The following SNX10 variants were observed in gnomAD, a reference collection of about 807,000 sequenced individuals.
The protein encoded by SNX10 is sorting nexin-10.
A neutral mutation model predicts 28.5 loss-of-function variants in SNX10; 25 were observed. The observed-to-expected ratio is 0.88, with a 90% CI of 0.64 to 1.22. The LOEUF (loss-of-function observed/expected upper bound fraction) is 1.22, where lower values mean the gene tolerates loss of function less well. Among genes scored for constraint, SNX10 ranks in the 50% most tolerant of loss-of-function variants. SNX10 has a pLI of 0.00. For missense variants in SNX10, 223 were observed against 242.6 expected, an observed-to-expected ratio of 0.92 and a Z score of 0.54; for synonymous variants, 62 against 81.4, an observed-to-expected ratio of 0.76 and a Z score of 1.28.
intron 1 of SNX10, among the ~76,000 whole-genome samples, chr7:26,311,291 A>G (rs1041395227): frequency 3.3e-5 from 5 of 152,222 alleles, no homozygotes; most frequent in Non-Finnish European, 7.3e-5. Context: ...CTGGGACTAC[A>G]GGCTTGCGCC....
At chr7:26,309,474 C>A (rs1269122089) in intron 1 of SNX10, among the ~76,000 whole-genome samples, 1 of 152,146 alleles carries the variant, frequency 6.6e-6, no homozygotes, top group Non-Finnish European at 1.5e-5. Context: ...TCTGCTTAGC[C>A]TTAGGTGGCC....
At chr7:26,326,480 T>G (rs1033149534) in intron 1 of SNX10, among the ~76,000 whole-genome samples, 6 of 152,182 alleles carry the variant, frequency 3.9e-5, no homozygotes, top group Non-Finnish European at 8.8e-5. Context: ...TGGATCATAC[T>G]GTACTCTGCA....
At chr7:26,335,282 T>C (rs1222381963) in intron 1 of SNX10, among the ~76,000 whole-genome samples, 3 of 152,206 alleles carry the variant, frequency 2.0e-5, no homozygotes, top group African/African-American at 7.2e-5. Context: ...CACAAGAACC[T>C]CTGGTCCCTC....
intron 2 of SNX10, among the ~76,000 whole-genome samples, chr7:26,358,358 T>G (rs570961317): frequency 6.6e-6 from 1 of 152,314 alleles, no homozygotes; most frequent in East Asian, 1.9e-4. Context: ...TAAAAATGGT[T>G]TTTAAATCCC....
At chr7:26,322,118 C>T (rs1787333932) in intron 1 of SNX10, among the ~76,000 whole-genome samples, 1 of 151,868 alleles carries the variant, frequency 6.6e-6, no homozygotes, top group African/African-American at 2.4e-5. Context: ...CTTGATACCC[C>T]AGGCAGCCCG....
intron 2 of SNX10, among the ~76,000 whole-genome samples, chr7:26,349,240 C>G (rs1182119299): frequency 1.3e-5 from 2 of 152,092 alleles, no homozygotes; most frequent in African/African-American, 2.4e-5. Context: ...GAGGTTGGCA[C>G]GTGAATTGAG....
intron 1 of SNX10, among the ~76,000 whole-genome samples, chr7:26,317,702 G>T (rs992710295): frequency 6.1e-4 from 77 of 125,478 alleles, no homozygotes; most frequent in Admixed American, 3.0e-4. Flanking sequence ...TCACTCTGTT[G>T]CCCAGGCTGG....
In SNX10 at chr7:26,364,177, T is replaced by C. The variant is rs1050203035; in HGVS notation, c.112-358T>C. Reference sequence around the variant, plus strand: ...CCAGCTTACGTGGATGGTGGTAAAATGCAACGGATGAACCTGAGCTCCTAC... The same window carrying C: ...CCAGCTTACGTGGATGGTGGTAAAACGCAACGGATGAACCTGAGCTCCTAC... On this transcript the variant is annotated intron_variant, in intron 3 of 6. Transcript: ENST00000338523. This position sits in a 1 kb window ranked among gnomAD's most constrained non-coding sequence, Gnocchi z 4.9. 3.4e-6 allele frequency: 1 copy of C among 292,576 alleles called. No homozygotes were observed. The allele number at this position is 292,576 out of a possible 1,614,324, so 18.1% of individuals were successfully genotyped here. A position where few individuals can be genotyped will look rare whatever the true frequency, so the allele number is the denominator to read the frequency against.
At chr7:26,292,543 T>C (rs1785966430) in intron 1 of SNX10, among the ~76,000 whole-genome samples, 1 of 152,116 alleles carries the variant, frequency 6.6e-6, no homozygotes, top group South Asian at 2.1e-4. Flanking sequence ...TTCGTGGGAT[T>C]GTGGGATTGA....
intron 1 of SNX10, among the ~76,000 whole-genome samples, chr7:26,322,796 C>A (rs1787358540): frequency 6.6e-6 from 1 of 152,188 alleles, no homozygotes; most frequent in South Asian, 2.1e-4. Context: ...CTCATTCATT[C>A]TGCAGTTATT....
chr7:26,325,306 A>AATATAT (rs149785859), intron 1 of SNX10, among the ~76,000 whole-genome samples: 3,140 of 51,338 alleles, frequency 0.061, 532 homozygotes, highest in African/African-American at 0.14. Flanking sequence ...AAGTTTGCAA[A>AATATAT]ATATATATAT....
intron 2 of SNX10, among the ~76,000 whole-genome samples, chr7:26,353,460 TGG>T (rs1788690478): frequency 2.4e-5 from 2 of 83,440 alleles, no homozygotes; most frequent in African/African-American, 4.2e-5. Flanking sequence ...TTTTTTTTTT[TGG>T]TGGGGAGACA....
rs934086352 is a variant in SNX10, at chr7:26,373,369, A to G, written c.*797A>G. ...TGATTTATTTTTTGACTAAATGTGC[A>G]ATTTCTTATCACTAGATAACTTTCA... On this transcript the variant is annotated 3_prime_UTR_variant, in exon 7 of 7. Coordinates refer to ENST00000338523, the MANE Select transcript of SNX10 (RefSeq NM_013322.3). The surrounding 1 kb of genome is among the most constrained non-coding windows in gnomAD (Gnocchi z 4.2). 6.6e-6 allele frequency: 1 copy of G among 152,022 alleles called. No individual in the cohort carries two copies. The highest frequency in any genetic ancestry group is 2.4e-5 in the African/African-American group (1 of 41,442). 9.4% of individuals were successfully genotyped at this position (152,022 alleles called of 1,614,324 possible).
intron 1 of SNX10, among the ~76,000 whole-genome samples, chr7:26,335,696 T>G (rs1257346202): frequency 6.8e-6 from 1 of 147,910 alleles, no homozygotes; most frequent in Non-Finnish European, 1.5e-5. Flanking sequence ...GGCACAGAAC[T>G]AAACATTGAA....
At chr7:26,329,147 AT>A (rs1211754797) in intron 1 of SNX10, among the ~76,000 whole-genome samples, 1 of 152,200 alleles carries the variant, frequency 6.6e-6, no homozygotes, top group African/African-American at 2.4e-5. Context: ...TGGCTTCCAC[AT>A]TCCTCACTGT....
At chr7:26,326,156 G>A (rs771046486) in intron 1 of SNX10, among the ~76,000 whole-genome samples, 16 of 152,282 alleles carry the variant, frequency 1.1e-4, no homozygotes, top group South Asian at 4.1e-4. Flanking sequence ...ATGCCATTTC[G>A]TTAACGAGAA....
chr7:26,329,953 G>A (rs548281754), intron 1 of SNX10, among the ~76,000 whole-genome samples: 84 of 152,282 alleles, frequency 5.5e-4, no homozygotes, highest in African/African-American at 1.9e-3. Flanking sequence ...AGGTCCACAG[G>A]GAGATGGGAA....
At chr7:26,318,125 C>T (rs748416862) in intron 1 of SNX10, among the ~76,000 whole-genome samples, 3 of 152,242 alleles carry the variant, frequency 2.0e-5, no homozygotes, top group African/African-American at 7.2e-5. Flanking sequence ...TGTTAGATCA[C>T]ATCGCCTACA....
At chr7:26,335,026 C>T (rs1787871267) in intron 1 of SNX10, among the ~76,000 whole-genome samples, 2 of 152,162 alleles carry the variant, frequency 1.3e-5, no homozygotes, top group African/African-American at 2.4e-5. Flanking sequence ...CCTTTGATTG[C>T]CCAAACTGGG....
Sources: gnomAD v4.1 joint callset for allele counts (sites outside exome capture counted in the v4.1 genomes callset) on GRCh38, gnomAD v4.1.1 for gene constraint, Gnocchi (gnomAD v3.1) non-coding constraint, MANE v1.5 for transcripts, NCBI Gene and HGNC (gene_info 2026-07-23, HGNC 2026-07-21) for gene names.